The following GNB4 variants were observed in gnomAD, a reference collection of about 807,000 sequenced individuals.
The protein encoded by GNB4 is G protein subunit beta 4, also known as guanine nucleotide-binding protein subunit beta-4.
Under a neutral mutation model 45.2 loss-of-function variants are expected in GNB4, and 28 were observed. That is an observed-to-expected ratio of 0.62 (90% CI 0.46 to 0.85). The LOEUF (loss-of-function observed/expected upper bound fraction) is 0.85, where lower values mean the gene tolerates loss of function less well. GNB4 is among the 40% of genes least tolerant of loss of function. The pLI, the probability that GNB4 is intolerant of heterozygous loss-of-function variation, is 0.00. For missense variants in GNB4, 321 were observed against 425.4 expected (o/e 0.75, Z 2.16); for synonymous variants, 132 against 143.7 (o/e 0.92, Z 0.58).
At chr3:179,415,317 ATGTTCCAAGGTTAAT>A (rs1714765626) in intron 5 of GNB4, among the ~76,000 whole-genome samples, 1 of 152,202 alleles carries the variant, frequency 6.6e-6, no homozygotes, top group South Asian at 2.1e-4. Flanking sequence ...GAACATAAAG[ATGTTCCAAGGTTAAT>A]ATACTGCCAT....
chr3:179,442,807 A>T (rs1266403239), intron 1 of GNB4, among the ~76,000 whole-genome samples: 4 of 151,964 alleles, frequency 2.6e-5, no homozygotes, highest in East Asian at 1.9e-4. Flanking sequence ...AAAAAAAAAA[A>T]TTTTAGAGGT....
At chr3:179,462,405 A>G in the GNB4 span, among the ~76,000 whole-genome samples, 4 of 152,340 alleles carry the variant, frequency 2.6e-5, no homozygotes, top group Middle Eastern at 0.01. Flanking sequence ...CAGATTTGAC[A>G]ATAAGCATGG....
the GNB4 span, among the ~76,000 whole-genome samples, chr3:179,471,078 C>T: frequency 2.0e-5 from 3 of 151,300 alleles, no homozygotes; most frequent in East Asian, 3.9e-4. Flanking sequence ...ACTCGGCAGG[C>T]TGAGGCAGGA....
At chr3:179,409,297 G>A (rs1169455582) in intron 8 of GNB4, among the ~76,000 whole-genome samples, 1 of 148,712 alleles carries the variant, frequency 6.7e-6, no homozygotes, top group African/African-American at 2.5e-5. Flanking sequence ...GATCACCTGA[G>A]GTCGGGAGTT....
chr3:179,430,303 T>C (rs2108607720), intron 1 of GNB4, among the ~76,000 whole-genome samples: 1 of 152,026 alleles, frequency 6.6e-6, no homozygotes, highest in South Asian at 2.1e-4. Flanking sequence ...TGCCCAGGCT[T>C]GTCTCAAACT....
At chr3:179,446,744 T>C (rs978959939) in intron 1 of GNB4, among the ~76,000 whole-genome samples, 1 of 152,226 alleles carries the variant, frequency 6.6e-6, no homozygotes, top group African/African-American at 2.4e-5. Flanking sequence ...TGGTAACTTG[T>C]TAGCTTTCAG....
At chr3:179,416,097 T>C (rs1312312242) in intron 5 of GNB4, among the ~76,000 whole-genome samples, 1 of 151,978 alleles carries the variant, frequency 6.6e-6, no homozygotes, top group African/African-American at 2.4e-5. Context: ...TTCTAAAAAG[T>C]CCAGAAGCAC....
chr3:179,462,298 T>A, the GNB4 span, among the ~76,000 whole-genome samples: 8 of 152,334 alleles, frequency 5.3e-5, no homozygotes, highest in Admixed American at 2.6e-4. Flanking sequence ...TTGTTTCTGA[T>A]CTTTGCAGTA....
the GNB4 span, among the ~76,000 whole-genome samples, chr3:179,481,429 C>A: frequency 1.3e-3 from 193 of 152,274 alleles, no homozygotes; most frequent in African/African-American, 4.3e-3. Context: ...TCTGCCTCAG[C>A]CTCCCAAAGT....
At chr3:179,489,016 A>T in the GNB4 span, among the ~76,000 whole-genome samples, 163 of 53,102 alleles carry the variant, frequency 3.1e-3, 8 homozygotes, top group Non-Finnish European at 3.9e-3. Flanking sequence ...AAAAAAAAAA[A>T]AAAATATATA....
the GNB4 span, among the ~76,000 whole-genome samples, chr3:179,462,853 G>T: frequency 2.6e-5 from 4 of 152,114 alleles, no homozygotes; most frequent in South Asian, 2.1e-4. Flanking sequence ...AAAATTATTG[G>T]TTCACTTTCC....
chr3:179,500,026 GTA>G, the GNB4 span, among the ~76,000 whole-genome samples: 13 of 152,268 alleles, frequency 8.5e-5, no homozygotes, highest in African/African-American at 2.6e-4. Flanking sequence ...CTCCCATTCT[GTA>G]TGTTTTCTGT....
intron 2 of GNB4, among the ~76,000 whole-genome samples, chr3:179,421,309 G>A (rs1714973796): frequency 1.3e-5 from 2 of 152,030 alleles, no homozygotes; most frequent in Admixed American, 1.3e-4. Flanking sequence ...AAAAATTTGA[G>A]AGACCTCAAA....
At chr3:179,434,174 T>C (rs1156295926) in intron 1 of GNB4, among the ~76,000 whole-genome samples, 1 of 152,200 alleles carries the variant, frequency 6.6e-6, no homozygotes, top group Non-Finnish European at 1.5e-5. Flanking sequence ...ACAGTGTTCA[T>C]ACAGCACTAC....
At position 179,405,283 on chromosome 3, in the gene GNB4, A is replaced by C. The variant is rs2108579845; in HGVS notation, c.823T>G (p.Ser275Ala). Residue 275 changes from serine (S) to alanine (A), a missense_variant, in exon 9 of 10, where the codon TCT becomes GCT. By Grantham distance (99) the Ser-to-Ala change is moderately conservative (BLOSUM62 1). Coordinates refer to ENST00000232564, the MANE Select transcript of GNB4 (RefSeq NM_021629.4). ...CGCCCACTTTTTGAGAAGGCTACAG[A>C]AGTGATTCCACAGATGATATTGTCA... ...SHDNIICGIT[S>A]VAFSKSGRLL... 1.2e-6 allele frequency: 2 copies of C among 1,614,220 alleles called. No homozygotes were observed. Among genetic ancestry groups the C allele is most frequent in the Admixed American group, 3.3e-5 (2 of 60,034 alleles).
intron 8 of GNB4, among the ~76,000 whole-genome samples, chr3:179,411,436 T>C (rs918560640): frequency 9.3e-5 from 14 of 151,064 alleles, no homozygotes; most frequent in Admixed American, 4.6e-4. Context: ...TATTTACTTA[T>C]ATTTGTAAAA....
chr3:179,417,948 T>C (rs1714851138), intron 4 of GNB4, among the ~76,000 whole-genome samples: 1 of 152,002 alleles, frequency 6.6e-6, no homozygotes. Context: ...GCATAAGAGT[T>C]GAGGAGAACA....
At chr3:179,490,146 C>G in the GNB4 span, among the ~76,000 whole-genome samples, 1 of 152,160 alleles carries the variant, frequency 6.6e-6, no homozygotes, top group Admixed American at 6.5e-5. Flanking sequence ...TTTTCAGACT[C>G]TGAAAAATAA....
chr3:179,438,435 A>G (rs1341353832), intron 1 of GNB4, among the ~76,000 whole-genome samples: 1 of 152,240 alleles, frequency 6.6e-6, no homozygotes, highest in African/African-American at 2.4e-5. Flanking sequence ...TTGGGAATTA[A>G]ATAATACACA....
Sources: allele counts gnomAD v4.1 joint callset (sites outside exome capture counted in the v4.1 genomes callset), GRCh38; gene constraint gnomAD v4.1.1; transcripts MANE v1.5; gene names NCBI Gene and HGNC (gene_info 2026-07-23, HGNC 2026-07-21).